Variants in MSRA observed in about 807,000 individuals in gnomAD.
MSRA encodes mitochondrial peptide methionine sulfoxide reductase.
Under a neutral mutation model 31.3 loss-of-function variants are expected in MSRA, and 54 were observed. The ratio of observed to expected loss-of-function variants is 1.73; its 90% CI spans 1.39 to 2.17. MSRA has a LOEUF of 2.17. Among genes scored for constraint, MSRA ranks in the 30% most tolerant of loss-of-function variants. The pLI is 0.00. For synonymous variants in MSRA, 169 were observed against 116.5 expected (o/e 1.45, Z -2.90); for missense variants, 507 against 300.9 (o/e 1.69, Z -5.07).
At chr8:10,145,345 G>C (rs762179990) in intron 1 of MSRA, among the ~76,000 whole-genome samples, 2 of 152,172 alleles carry the variant, frequency 1.3e-5, no homozygotes, top group African/African-American at 2.4e-5. Flanking sequence ...AAGACATTTC[G>C]GTTAGATAAG....
intron 1 of MSRA, among the ~76,000 whole-genome samples, chr8:10,088,568 C>T (rs1391525820): frequency 6.6e-6 from 1 of 152,142 alleles, no homozygotes; most frequent in Non-Finnish European, 1.5e-5. Flanking sequence ...AACCCCATCT[C>T]TACTAAACAT....
chr8:10,356,473 C>T (rs969581448), intron 5 of MSRA, among the ~76,000 whole-genome samples: 2 of 152,252 alleles, frequency 1.3e-5, no homozygotes, highest in Non-Finnish European at 2.9e-5. Flanking sequence ...GTAACAGCCA[C>T]TTCCATGCAT....
chr8:10,376,113 C>T (rs1195045600), intron 5 of MSRA, among the ~76,000 whole-genome samples: 1 of 152,092 alleles, frequency 6.6e-6, no homozygotes, highest in Non-Finnish European at 1.5e-5. Context: ...TCTGGGTGGC[C>T]GACTCACATT....
intron 2 of MSRA, among the ~76,000 whole-genome samples, chr8:10,243,480 T>C (rs1367125926): frequency 2.0e-5 from 3 of 152,204 alleles, no homozygotes; most frequent in African/African-American, 7.2e-5. Context: ...TCAATAAATA[T>C]TTATTTATAT....
At chr8:10,336,721 C>T (rs552059073) in intron 5 of MSRA, 2 of 152,264 alleles carry the variant, frequency 1.3e-5, no homozygotes, top group Non-Finnish European at 2.9e-5. Flanking sequence ...TGTATTTATT[C>T]ATACATTAGA....
At chr8:10,172,166 G>T (rs1471148941) in intron 1 of MSRA, among the ~76,000 whole-genome samples, 1 of 152,184 alleles carries the variant, frequency 6.6e-6, no homozygotes, top group Non-Finnish European at 1.5e-5. Context: ...GTGTGGAAAG[G>T]GAGTGACGGA....
At chr8:10,314,346 G>A (rs1039894086) in intron 4 of MSRA, among the ~76,000 whole-genome samples, 1 of 151,978 alleles carries the variant, frequency 6.6e-6, no homozygotes, top group Admixed American at 6.6e-5. Flanking sequence ...AAGACAGACT[G>A]CTGAGAGAAA....
chr8:10,201,722 C>T (rs1022932663), intron 1 of MSRA, among the ~76,000 whole-genome samples: 1 of 152,178 alleles, frequency 6.6e-6, no homozygotes, highest in Non-Finnish European at 1.5e-5. Flanking sequence ...TGAACATGTC[C>T]CCCCGATCCC....
At chr8:10,231,300 C>T (rs761820022) in intron 2 of MSRA, among the ~76,000 whole-genome samples, 17 of 152,040 alleles carry the variant, frequency 1.1e-4, no homozygotes, top group Non-Finnish European at 2.1e-4. Flanking sequence ...AGACTGGAAA[C>T]GGTTTCATTT....
intron 1 of MSRA, chr8:10,096,093 T>A: frequency 1.5e-6 from 2 of 1,328,118 alleles, no homozygotes; most frequent in Non-Finnish European, 2.0e-6. Context: ...TTATAGACAT[T>A]AACTTTTCAA....
At chr8:10,294,443 C>T (rs537883505) in intron 3 of MSRA, among the ~76,000 whole-genome samples, 10 of 152,274 alleles carry the variant, frequency 6.6e-5, no homozygotes, top group African/African-American at 2.4e-4. Context: ...TGGGTGCTAT[C>T]AGTGTCCCCA....
At chr8:10,146,823 G>A (rs1803185213) in intron 1 of MSRA, among the ~76,000 whole-genome samples, 1 of 152,210 alleles carries the variant, frequency 6.6e-6, no homozygotes, top group Non-Finnish European at 1.5e-5. Flanking sequence ...GCGTTCAGCT[G>A]GAAGGAGAGG....
At chr8:10,363,132 C>T (rs1804951379) in intron 5 of MSRA, among the ~76,000 whole-genome samples, 2 of 152,218 alleles carry the variant, frequency 1.3e-5, no homozygotes, top group Admixed American at 6.5e-5. Context: ...GCACTTTCAG[C>T]CTTTCTCCGT....
At chr8:10,319,077 C>T (rs915913685) in intron 4 of MSRA, among the ~76,000 whole-genome samples, 1 of 152,160 alleles carries the variant, frequency 6.6e-6, no homozygotes, top group Non-Finnish European at 1.5e-5. Context: ...TGAAACCTTG[C>T]ATTTTTTTTA....
chr8:10,288,630 T>A (rs573436849), intron 3 of MSRA, among the ~76,000 whole-genome samples: 1 of 152,334 alleles, frequency 6.6e-6, no homozygotes, highest in Admixed American at 6.5e-5. Context: ...CAACAGTGTT[T>A]CAGTGTGGGT....
intron 1 of MSRA, among the ~76,000 whole-genome samples, chr8:10,140,550 G>A (rs901864897): frequency 3.9e-5 from 6 of 152,106 alleles, no homozygotes; most frequent in African/African-American, 1.4e-4. Context: ...CATACCAAGG[G>A]CCTGATATTA....
At chr8:10,195,998 C>T (rs1233634320) in intron 1 of MSRA, among the ~76,000 whole-genome samples, 1 of 152,160 alleles carries the variant, frequency 6.6e-6, no homozygotes, top group Admixed American at 6.5e-5. Flanking sequence ...GGTGTGGGCC[C>T]ATCAGGCTCA....
At chr8:10,402,946 T>C (rs2129184662) in intron 5 of MSRA, among the ~76,000 whole-genome samples, 1 of 152,270 alleles carries the variant, frequency 6.6e-6, no homozygotes, top group East Asian at 1.9e-4. Flanking sequence ...ATGCCTACCA[T>C]TGAAGCCATG....
At chr8:10,258,777 A>C (rs1798314364) in intron 3 of MSRA, among the ~76,000 whole-genome samples, 1 of 152,206 alleles carries the variant, frequency 6.6e-6, no homozygotes, top group Non-Finnish European at 1.5e-5. Context: ...CAGATTGTTC[A>C]GCAGAGGGCT....
Sources: gnomAD v4.1 joint callset for allele counts (sites outside exome capture counted in the v4.1 genomes callset) on GRCh38, gnomAD v4.1.1 for gene constraint, MANE v1.5 for transcripts, NCBI Gene and HGNC (gene_info 2026-07-23, HGNC 2026-07-21) for gene names.